The following LTBP1 variants were observed in gnomAD, a reference collection of about 807,000 sequenced individuals.
The protein encoded by LTBP1 is latent-transforming growth factor beta-binding protein 1.
Under a neutral mutation model 207.6 loss-of-function variants are expected in LTBP1, and 129 were observed. That is an observed-to-expected ratio of 0.62 (90% CI 0.54 to 0.72). LTBP1 has a LOEUF of 0.72. Ranked by LOEUF, LTBP1 falls within the 30% of genes least tolerant of loss-of-function variation. LTBP1 has a pLI of 0.00. For missense variants in LTBP1, 2,281 were observed against 2,217.2 expected (o/e 1.03, Z -0.58); for synonymous variants, 963 against 833.7 (o/e 1.16, Z -2.67).
chr2:33,053,954 C>T (rs1481487115), intron 3 of LTBP1, among the ~76,000 whole-genome samples: 1 of 152,174 alleles, frequency 6.6e-6, no homozygotes, highest in South Asian at 2.1e-4. Flanking sequence ...GACCAAATAA[C>T]AGGTGAGGGC....
chr2:33,144,250 A>G (rs920837563), intron 5 of LTBP1, among the ~76,000 whole-genome samples: 7 of 152,176 alleles, frequency 4.6e-5, no homozygotes, highest in Admixed American at 2.6e-4. Context: ...TTACCCCTTC[A>G]CTTTGGTGCT....
chr2:33,362,744 C>G (rs920942582), intron 28 of LTBP1, among the ~76,000 whole-genome samples: 3 of 152,132 alleles, frequency 2.0e-5, no homozygotes, highest in African/African-American at 7.2e-5. Flanking sequence ...GCAGTAAAAG[C>G]AATAGATAAC....
rs114595076 is a variant in LTBP1, at chr2:33,300,491, G to T, written c.3276G>T (p.Gly1092=). ...AGCAAGGGAATCTATGTGTAAACGGGCAGTGCAAAAATACCGAGGGCTCCT... is the reference window on the plus strand; with the variant it reads ...AGCAAGGGAATCTATGTGTAAACGGTCAGTGCAAAAATACCGAGGGCTCCT... The part of the protein sequence containing the change: ...ECQQGNLCVN[G]QCKNTEGSFR... Residue 1092 remains glycine, a synonymous_variant, in exon 21 of 34, where the codon GGG becomes GGT. Transcript: ENST00000404816. The T allele has an allele frequency of 8.9e-4, 1,435 of 1,613,760 alleles. 13 individuals carry two copies. In the African/African-American group the frequency reaches 0.017, roughly 19 times the overall value.
At chr2:32,990,945 C>T (rs1245789908) in intron 2 of LTBP1, among the ~76,000 whole-genome samples, 2 of 152,120 alleles carry the variant, frequency 1.3e-5, no homozygotes, top group African/African-American at 4.8e-5. Flanking sequence ...GTGGACAGTT[C>T]ATCTCTCACA....
At chr2:33,246,746 C>T (rs1372479473) in intron 10 of LTBP1, among the ~76,000 whole-genome samples, 1 of 152,158 alleles carries the variant, frequency 6.6e-6, no homozygotes, top group Non-Finnish European at 1.5e-5. Context: ...ATGAACCCCC[C>T]AGAATTCCTT....
At chr2:33,099,832 CT>C in intron 3 of LTBP1, among the ~76,000 whole-genome samples, 1 of 152,262 alleles carries the variant, frequency 6.6e-6, no homozygotes, top group South Asian at 2.1e-4. Context: ...AAGGTGCTGG[CT>C]AGTAAGAGGG....
At chr2:32,978,464 A>G (rs1355132397) in intron 2 of LTBP1, among the ~76,000 whole-genome samples, 2 of 152,028 alleles carry the variant, frequency 1.3e-5, no homozygotes, top group Non-Finnish European at 2.9e-5. Context: ...AAATGATCAC[A>G]TGGTTTTTGT....
intron 9 of LTBP1, among the ~76,000 whole-genome samples, chr2:33,237,076 C>T (rs1318751718): frequency 1.3e-5 from 2 of 152,076 alleles, no homozygotes; most frequent in Non-Finnish European, 2.9e-5. Flanking sequence ...TAGATAGAAG[C>T]AAATATAATC....
Position 33,275,869 on chromosome 2 carries a change from C to A in LTBP1, c.2938C>A (p.Arg980=). Residue 980 remains arginine (R), a synonymous_variant, in exon 18 of 34, where the codon CGG becomes AGG. Coordinates refer to ENST00000404816, the MANE Select transcript of LTBP1 (RefSeq NM_206943.4). ...CTGTGTCAATACTGTGGGGGCCTTC[C>A]GGTGTGAATACTGTGACAGCGGGTA... ...GHCVNTVGAF[R]CEYCDSGYRM... is the part of the protein sequence containing the mutation. The A allele has an allele frequency of 6.2e-7, 1 of 1,612,004 alleles. No homozygotes were observed. Among genetic ancestry groups the A allele is most frequent in the South Asian group, 1.1e-5 (1 of 90,576 alleles).
intron 3 of LTBP1, among the ~76,000 whole-genome samples, chr2:33,065,506 T>A (rs568012321): frequency 6.6e-6 from 1 of 152,248 alleles, no homozygotes; most frequent in Admixed American, 6.5e-5. Flanking sequence ...GTGATGATCA[T>A]GTCACTGCTC....
chr2:33,138,890 G>A (rs534342578), intron 5 of LTBP1, among the ~76,000 whole-genome samples: 61 of 109,320 alleles, frequency 5.6e-4, no homozygotes, highest in Admixed American at 9.4e-4. Flanking sequence ...ACGGAGTCTC[G>A]CTCTGTCGCC....
intron 19 of LTBP1, among the ~76,000 whole-genome samples, chr2:33,291,996 A>C (rs1008417254): frequency 2.0e-5 from 3 of 152,232 alleles, no homozygotes; most frequent in Admixed American, 2.0e-4. Flanking sequence ...TGATTATGTT[A>C]TAGACCCCTA....
chr2:33,271,372 G>T (rs1216956024), intron 15 of LTBP1, among the ~76,000 whole-genome samples: 3 of 151,866 alleles, frequency 2.0e-5, no homozygotes, highest in African/African-American at 7.3e-5. Flanking sequence ...ATAAAGATAG[G>T]TCAATAACCA....
chr2:33,000,392 T>C (rs1401732609), intron 2 of LTBP1, among the ~76,000 whole-genome samples: 1 of 135,482 alleles, frequency 7.4e-6, no homozygotes, highest in African/African-American at 2.6e-5. Context: ...AGCCCCACGC[T>C]CATCCTGTGG....
chr2:33,071,792 A>G (rs2077804913), intron 3 of LTBP1, among the ~76,000 whole-genome samples: 1 of 152,036 alleles, frequency 6.6e-6, no homozygotes, highest in African/African-American at 2.4e-5. Context: ...TCTTTATGTC[A>G]TTTTCACTGT....
intron 24 of LTBP1, among the ~76,000 whole-genome samples, chr2:33,335,534 G>T (rs1307151664): frequency 6.6e-6 from 1 of 152,124 alleles, no homozygotes; most frequent in Non-Finnish European, 1.5e-5. Context: ...ATATCCTATT[G>T]TATTGCCTGG....
intron 5 of LTBP1, among the ~76,000 whole-genome samples, chr2:33,183,474 A>G (rs770353283): frequency 4.6e-5 from 7 of 152,220 alleles, no homozygotes; most frequent in Non-Finnish European, 1.0e-4. Flanking sequence ...TCACATCATG[A>G]TTTGCGAACC....
At chr2:33,233,019 C>T (rs1435666869) in intron 9 of LTBP1, among the ~76,000 whole-genome samples, 1 of 152,030 alleles carries the variant, frequency 6.6e-6, no homozygotes, top group Admixed American at 6.6e-5. Flanking sequence ...GTAGTTTTAT[C>T]ATTATGTGTC....
At chr2:33,091,486 G>T (rs2079087310) in intron 3 of LTBP1, among the ~76,000 whole-genome samples, 1 of 152,134 alleles carries the variant, frequency 6.6e-6, no homozygotes, top group Non-Finnish European at 1.5e-5. Flanking sequence ...ACGTAAGGCG[G>T]TCCAAGGTCA....
Sources: gnomAD v4.1 joint callset for allele counts (sites outside exome capture counted in the v4.1 genomes callset) on GRCh38, gnomAD v4.1.1 for gene constraint, MANE v1.5 for transcripts, NCBI Gene and HGNC (gene_info 2026-07-23, HGNC 2026-07-21) for gene names.